ROBO1: variants seen among roughly 807,000 people sequenced by gnomAD.
ROBO1 encodes the protein roundabout guidance receptor 1.
Under a neutral mutation model 195.9 loss-of-function variants are expected in ROBO1, and 149 were observed. The ratio of observed to expected loss-of-function variants is 0.76; its 90% CI spans 0.67 to 0.87. The LOEUF is 0.87. ROBO1 is among the 40% of genes least tolerant of loss of function. ROBO1 has a pLI of 0.00. For missense variants in ROBO1, 1,933 were observed against 2,068.3 expected (o/e 0.93, Z 1.27); for synonymous variants, 816 against 733.2 (o/e 1.11, Z -1.82).
intron 3 of ROBO1, chr3:79,018,774 T>G: frequency 9.0e-7 from 1 of 1,111,570 alleles, no homozygotes; most frequent in African/African-American, 1.6e-5. Context: ...TAGTGCCGTT[T>G]CCTGCCTCCA....
intron 2 of ROBO1, among the ~76,000 whole-genome samples, chr3:79,298,957 T>G (rs2032740105): frequency 6.6e-6 from 1 of 152,178 alleles, no homozygotes; most frequent in South Asian, 2.1e-4. Context: ...TAATGAAAAT[T>G]TAATGGTTGC....
intron 26 of ROBO1, among the ~76,000 whole-genome samples, chr3:78,618,840 G>A (rs1028007468): frequency 6.6e-6 from 1 of 152,128 alleles, no homozygotes; most frequent in African/African-American, 2.4e-5. Context: ...CAATTAATTG[G>A]TTTCAACCAA....
At chr3:79,125,581 G>T (rs377435757) in intron 2 of ROBO1, 42 bp from the exon 3 acceptor site, 2 of 1,473,990 alleles carry the variant, frequency 1.4e-6, no homozygotes, top group Admixed American at 3.4e-5. Flanking sequence ...GGTCACAGTA[G>T]TAACAGTAGT....
At chr3:79,009,572 C>T (rs2077724246) in intron 3 of ROBO1, among the ~76,000 whole-genome samples, 1 of 152,174 alleles carries the variant, frequency 6.6e-6, no homozygotes, top group African/African-American at 2.4e-5. Flanking sequence ...GAATGGTATT[C>T]CCAAAACCAA....
intron 2 of ROBO1, among the ~76,000 whole-genome samples, chr3:79,244,791 T>C: frequency 1.3e-5 from 2 of 152,236 alleles, no homozygotes; most frequent in South Asian, 4.1e-4. Flanking sequence ...TATCCATAAA[T>C]AGGCATATAC....
chr3:78,809,383 CT>C (rs1249042282), intron 4 of ROBO1, among the ~76,000 whole-genome samples: 5 of 152,196 alleles, frequency 3.3e-5, no homozygotes, highest in Admixed American at 1.3e-4. Context: ...CGCTTTTACA[CT>C]GTTGGTGGGA....
intron 3 of ROBO1, among the ~76,000 whole-genome samples, chr3:79,083,065 T>G (rs1228046686): frequency 6.6e-6 from 1 of 152,010 alleles, no homozygotes; most frequent in Non-Finnish European, 1.5e-5. Flanking sequence ...GGTGTGGTGG[T>G]GCATGCCTGT....
At chr3:78,937,515 G>A (rs537597208) in intron 4 of ROBO1, among the ~76,000 whole-genome samples, 2 of 151,808 alleles carry the variant, frequency 1.3e-5, no homozygotes, top group South Asian at 4.2e-4. Context: ...CTCAATTTTT[G>A]TCATATTATA....
At chr3:78,899,154 G>T (rs1040493272) in intron 4 of ROBO1, among the ~76,000 whole-genome samples, 1 of 152,106 alleles carries the variant, frequency 6.6e-6, no homozygotes, top group Non-Finnish European at 1.5e-5. Context: ...TATTGTCACA[G>T]AATAAAAACA....
At chr3:79,263,942 T>C (rs1362261003) in intron 2 of ROBO1, among the ~76,000 whole-genome samples, 1 of 152,106 alleles carries the variant, frequency 6.6e-6, no homozygotes, top group Non-Finnish European at 1.5e-5. Context: ...CGATTCATCA[T>C]CAGGTTATTG....
intron 3 of ROBO1, among the ~76,000 whole-genome samples, chr3:78,943,791 A>G (rs1419693787): frequency 6.6e-6 from 1 of 152,244 alleles, no homozygotes; most frequent in Non-Finnish European, 1.5e-5. Context: ...GAATAGGATC[A>G]GCAAAAAACC....
intron 2 of ROBO1, among the ~76,000 whole-genome samples, chr3:79,390,478 A>G (rs1458554057): frequency 6.6e-6 from 1 of 152,210 alleles, no homozygotes; most frequent in African/African-American, 2.4e-5. Context: ...AAAAGAAGAC[A>G]TATGAAAAGG....
intron 8 of ROBO1, among the ~76,000 whole-genome samples, chr3:78,702,289 T>G (rs1004870142): frequency 3.9e-5 from 6 of 152,192 alleles, no homozygotes; most frequent in Admixed American, 3.3e-4. Context: ...AAAATATCCA[T>G]ACAAATGGAT....
At chr3:78,754,418 C>G (rs1212056683) in intron 4 of ROBO1, among the ~76,000 whole-genome samples, 1 of 152,152 alleles carries the variant, frequency 6.6e-6, no homozygotes, top group African/African-American at 2.4e-5. Flanking sequence ...TGCATTCTTT[C>G]TTTTGTAAAA....
Position 79,340,612 on chromosome 3 carries a change from C to T in ROBO1, c.89-215073G>A, listed in dbSNP as rs950424219. On this transcript the variant is annotated intron_variant, in intron 2 of 30. Transcript: ENST00000464233. ...GAGAAATTAACTTTTCCTATTAGAA[C>T]GGTAAGAATAAAATGTCACTAGGGA... Among the ~76,000 whole-genome samples the T allele has an allele frequency of 5.3e-5, 8 of 152,174 alleles. No individual in the cohort carries two copies. The East Asian group carries it at 5.8e-4, about 11-fold the overall frequency.
chr3:79,577,931 C>CA (rs1182068579), intron 2 of ROBO1, among the ~76,000 whole-genome samples: 1 of 151,352 alleles, frequency 6.6e-6, no homozygotes, highest in Admixed American at 6.6e-5. Context: ...AAACAAAAAA[C>CA]AAAAAAACCC....
chr3:78,642,885 C>G (rs1031279552), intron 21 of ROBO1, among the ~76,000 whole-genome samples: 2 of 152,126 alleles, frequency 1.3e-5, no homozygotes, highest in African/African-American at 4.8e-5. Context: ...GGAAAAAATA[C>G]AGCCTCCACA....
At chr3:79,265,564 C>T (rs747863889) in intron 2 of ROBO1, among the ~76,000 whole-genome samples, 51 of 150,928 alleles carry the variant, frequency 3.4e-4, no homozygotes, top group Middle Eastern at 3.4e-3. Context: ...GTTGTATAAA[C>T]GAAAATAATG....
chr3:78,650,332 A>G (rs1374643264), intron 19 of ROBO1, among the ~76,000 whole-genome samples: 1 of 152,090 alleles, frequency 6.6e-6, no homozygotes, highest in Non-Finnish European at 1.5e-5. Flanking sequence ...CCTAGAGAGG[A>G]CACATATCTG....
Sources: allele counts gnomAD v4.1 joint callset (sites outside exome capture counted in the v4.1 genomes callset), GRCh38; gene constraint gnomAD v4.1.1; transcripts MANE v1.5; gene names NCBI Gene and HGNC (gene_info 2026-07-23, HGNC 2026-07-21).